GPC6: variants seen among roughly 807,000 people sequenced by gnomAD.
The protein encoded by GPC6 is glypican-6.
Under a neutral mutation model 55.2 loss-of-function variants are expected in GPC6, and 14 were observed. The observed-to-expected ratio is 0.25, with a 90% CI of 0.17 to 0.40. The LOEUF is 0.40. GPC6 is among the 10% of genes least tolerant of loss of function. GPC6 has a pLI of 1.00. For missense variants in GPC6, 641 were observed against 708.5 expected (o/e 0.90, Z 1.08); for synonymous variants, 278 against 259.6 (o/e 1.07, Z -0.68).
At chr13:93,816,551 G>T (rs1594481786) in intron 2 of GPC6, among the ~76,000 whole-genome samples, 1 of 147,246 alleles carries the variant, frequency 6.8e-6, no homozygotes. Flanking sequence ...CTTGATTCTT[G>T]GATTCTCCAT....
chr13:93,337,300 T>C (rs1394926062), intron 1 of GPC6, among the ~76,000 whole-genome samples: 1 of 152,210 alleles, frequency 6.6e-6, no homozygotes, highest in Non-Finnish European at 1.5e-5. Flanking sequence ...AGGTTTATTA[T>C]GAGATTCCCA....
chr13:93,745,289 C>G (rs1884361153), intron 2 of GPC6, among the ~76,000 whole-genome samples: 1 of 152,124 alleles, frequency 6.6e-6, no homozygotes, highest in Admixed American at 6.6e-5. Flanking sequence ...TCTCAAGTCC[C>G]TCTATGTCCC....
chr13:94,090,422 C>T (rs1221734785), intron 4 of GPC6, among the ~76,000 whole-genome samples: 1 of 152,096 alleles, frequency 6.6e-6, no homozygotes, highest in Non-Finnish European at 1.5e-5. Context: ...TGAAATCAAT[C>T]AGCTATAGAC....
chr13:93,253,392 C>T (rs768350123), intron 1 of GPC6, among the ~76,000 whole-genome samples: 27 of 152,172 alleles, frequency 1.8e-4, no homozygotes, highest in Non-Finnish European at 3.4e-4. Flanking sequence ...CCTACTTAGG[C>T]TCTCTTACCT....
intron 1 of GPC6, among the ~76,000 whole-genome samples, chr13:93,500,022 A>G (rs1468893912): frequency 6.6e-6 from 1 of 152,164 alleles, no homozygotes; most frequent in Non-Finnish European, 1.5e-5. Flanking sequence ...CTGCCGTGGA[A>G]AGTCATCACT....
At chr13:93,303,138 C>G (rs1335995246) in intron 1 of GPC6, among the ~76,000 whole-genome samples, 1 of 152,174 alleles carries the variant, frequency 6.6e-6, no homozygotes, top group African/African-American at 2.4e-5. Context: ...AAGCCTGTTT[C>G]TTACACTACT....
intron 1 of GPC6, among the ~76,000 whole-genome samples, chr13:93,346,264 T>G (rs1406524543): frequency 1.3e-5 from 2 of 152,194 alleles, no homozygotes; most frequent in Non-Finnish European, 2.9e-5. Flanking sequence ...AAGCATCTAA[T>G]CTGAGTGATT....
intron 4 of GPC6, among the ~76,000 whole-genome samples, chr13:94,114,015 T>TAA (rs781286249): frequency 1.1e-4 from 4 of 37,428 alleles, no homozygotes; most frequent in African/African-American, 4.6e-4. Flanking sequence ...AGACTCTGTC[T>TAA]AAAAAAAAAA....
intron 2 of GPC6, among the ~76,000 whole-genome samples, chr13:93,572,490 A>C (rs928444535): frequency 3.3e-5 from 5 of 152,118 alleles, no homozygotes; most frequent in African/African-American, 1.2e-4. Context: ...AGATCTGCTA[A>C]ACAGATACTC....
chr13:93,628,668 C>G (rs569309929), intron 2 of GPC6, among the ~76,000 whole-genome samples: 1 of 152,254 alleles, frequency 6.6e-6, no homozygotes, highest in African/African-American at 2.4e-5. Flanking sequence ...CACTTGGATT[C>G]TTAGCACTAT....
At position 93,919,695 on chromosome 13, in the gene GPC6, A is replaced by G. The variant is rs148004552; in HGVS notation, c.711+89150A>G. ...ATATATTGTTCTTGCCTTATTTTTT[A>G]TAGCATAAACCGAAAATGCTGATAT... On this transcript the variant is annotated intron_variant, in intron 3 of 8. Transcript: ENST00000377047. Among the ~76,000 whole-genome samples the G allele has an allele frequency of 4.3e-3, 649 of 152,340 alleles. 2 individuals are homozygous for G. The highest frequency in any genetic ancestry group is 7.7e-3 in the Non-Finnish European group (522 of 68,026).
At chr13:93,285,436 A>T (rs1022013295) in intron 1 of GPC6, among the ~76,000 whole-genome samples, 1 of 152,208 alleles carries the variant, frequency 6.6e-6, no homozygotes, top group African/African-American at 2.4e-5. Context: ...TCGTAAGCCA[A>T]GCAATGATGT....
At chr13:93,220,809 G>T in the GPC6 span, among the ~76,000 whole-genome samples, 1 of 152,060 alleles carries the variant, frequency 6.6e-6, no homozygotes, top group East Asian at 1.9e-4. Context: ...GTAGTTCTAG[G>T]CATGAAAATC....
intron 1 of GPC6, among the ~76,000 whole-genome samples, chr13:93,318,487 A>G (rs550266493): frequency 8.0e-4 from 122 of 152,158 alleles, no homozygotes; most frequent in Non-Finnish European, 1.6e-3. Context: ...ACATGAGCAA[A>G]TATGTTTATC....
intron 1 of GPC6, among the ~76,000 whole-genome samples, chr13:93,390,462 C>T (rs1875581036): frequency 6.6e-6 from 1 of 152,104 alleles, no homozygotes; most frequent in Admixed American, 6.6e-5. Context: ...TCTAGAGACC[C>T]AGCTGAAGTG....
chr13:93,561,631 T>G (rs1419190066), intron 2 of GPC6, among the ~76,000 whole-genome samples: 3 of 151,992 alleles, frequency 2.0e-5, no homozygotes, highest in Non-Finnish European at 4.4e-5. Context: ...GAGGATCATT[T>G]GTAGGAAGCT....
At chr13:93,473,627 A>C (rs1454265285) in intron 1 of GPC6, among the ~76,000 whole-genome samples, 1 of 152,204 alleles carries the variant, frequency 6.6e-6, no homozygotes, top group African/African-American at 2.4e-5. Flanking sequence ...GCCTCCTCAC[A>C]GCCTGATTTG....
intron 4 of GPC6, among the ~76,000 whole-genome samples, chr13:94,234,094 A>G (rs893062558): frequency 1.1e-4 from 16 of 152,110 alleles, no homozygotes; most frequent in African/African-American, 3.9e-4. Context: ...GGCCTACATA[A>G]TCTTATTTAG....
chr13:93,825,292 C>G (rs1887191803), intron 2 of GPC6, among the ~76,000 whole-genome samples: 1 of 152,174 alleles, frequency 6.6e-6, no homozygotes, highest in Non-Finnish European at 1.5e-5. Flanking sequence ...TTACAATATA[C>G]AGCACAGTGC....
Sources: gnomAD v4.1 joint callset for allele counts (sites outside exome capture counted in the v4.1 genomes callset) on GRCh38, gnomAD v4.1.1 for gene constraint, MANE v1.5 for transcripts, NCBI Gene and HGNC (gene_info 2026-07-23, HGNC 2026-07-21) for gene names.